The following ZNF727 variants were observed in gnomAD, a reference collection of about 807,000 sequenced individuals.
The protein encoded by ZNF727 is zinc finger protein 727.
In ZNF727, 11 loss-of-function variants were observed where a neutral mutation model predicts 11.5. That is an observed-to-expected ratio of 0.95 (90% CI 0.60 to 1.58). The LOEUF is 1.58. ZNF727 is among the 40% of genes most tolerant of loss of function. The pLI is 0.00. For missense variants in ZNF727, 533 were observed against 581.7 expected (o/e 0.92, Z 0.86); for synonymous variants, 171 against 196.1 (o/e 0.87, Z 1.07).
At position 64,080,594 on chromosome 7, in the gene ZNF727, A is replaced by C. The variant is rs2083286; in HGVS notation, c.*2045A>C. On this transcript the variant is annotated 3_prime_UTR_variant, in exon 4 of 4. Coordinates refer to ENST00000456806, the MANE Select transcript of ZNF727 (RefSeq NM_001159522.3). Reference sequence around the variant, plus strand: ...ATTGGGTTGCAACTTACCTTTGTAGATCAATGAAGTTTGCTTCTACCCATA... The same window carrying C: ...ATTGGGTTGCAACTTACCTTTGTAGCTCAATGAAGTTTGCTTCTACCCATA... Among the ~76,000 whole-genome samples the C allele has an allele frequency of 0.65, 98,683 of 151,944 alleles. 32,434 individuals are homozygous for C. Among genetic ancestry groups the C allele is most frequent in the Admixed American group, 0.73 (11,083 of 15,276 alleles).
intron 3 of ZNF727, among the ~76,000 whole-genome samples, chr7:64,072,362 T>G (rs1480344711): frequency 6.6e-6 from 1 of 152,108 alleles, no homozygotes; most frequent in Non-Finnish European, 1.5e-5. Flanking sequence ...CTTGGCAGAC[T>G]GAATTGCCTT....
At chr7:64,075,385 T>A (rs1158885542) in intron 3 of ZNF727, among the ~76,000 whole-genome samples, 1 of 152,112 alleles carries the variant, frequency 6.6e-6, no homozygotes, top group African/African-American at 2.4e-5. Flanking sequence ...CAAAGCTTTT[T>A]ATAAATGATT....
In ZNF727 at chr7:64,078,276, A is replaced by C. The variant is rs1442865724; in HGVS notation, c.1227A>C (p.Ser409=). Residue 409 remains serine (S), a synonymous_variant, in exon 4 of 4, where the codon TCA becomes TCC. Transcript: ENST00000456806. ...EECGKSFTCS[S]NLIKHKRIHM... ...GTGGCAAAAGCTTTACCTGCTCCTC[A>C]AACCTTATTAAACACAAGAGAATTC... is the stretch of plus-strand genomic sequence containing the variant. The C allele has an allele frequency of 5.6e-6, 9 of 1,594,434 alleles. No homozygotes were observed. In the African/African-American group the frequency reaches 6.7e-5, roughly 12 times the overall value.
At chr7:64,053,044 G>A (rs1368955756) in intron 1 of ZNF727, among the ~76,000 whole-genome samples, 1 of 152,162 alleles carries the variant, frequency 6.6e-6, no homozygotes, top group Non-Finnish European at 1.5e-5. Context: ...ACTTTGGACT[G>A]TGGACTTTTA....
In ZNF727 at chr7:64,080,269, A is replaced by G. The variant is rs1785765635; in HGVS notation, c.*1720A>G. Among the ~76,000 whole-genome samples the G allele has an allele frequency of 6.6e-6, 1 of 152,024 alleles. No homozygotes were observed. Among genetic ancestry groups the G allele is most frequent in the Non-Finnish European group, 1.5e-5 (1 of 67,996 alleles). Reference sequence around the variant, plus strand: ...ATTTCAAGTTGTTTTCATTCTCTCCATCACTTTCAAGCACTCTCTTTAATT... The same window carrying G: ...ATTTCAAGTTGTTTTCATTCTCTCCGTCACTTTCAAGCACTCTCTTTAATT... On this transcript the variant is annotated 3_prime_UTR_variant, in exon 4 of 4. Coordinates refer to ENST00000456806, the MANE Select transcript of ZNF727 (RefSeq NM_001159522.3).
At chr7:64,074,030 T>A (rs1345987371) in intron 3 of ZNF727, among the ~76,000 whole-genome samples, 1 of 152,144 alleles carries the variant, frequency 6.6e-6, no homozygotes, top group Non-Finnish European at 1.5e-5. Context: ...TTGATTGTGC[T>A]TTACTTAGCC....
chr7:64,058,962 T>TTTTTTTTTTTTTTTTTTTTTG (rs1789728669), intron 1 of ZNF727, among the ~76,000 whole-genome samples: 1 of 151,802 alleles, frequency 6.6e-6, no homozygotes. Context: ...TTTTTTTTTT[T>TTTTTTTTTTTTTTTTTTTTTG]GAGACGGAGT....
chr7:64,070,638 T>G (rs1789945813), intron 3 of ZNF727, among the ~76,000 whole-genome samples: 2 of 152,094 alleles, frequency 1.3e-5, no homozygotes, highest in African/African-American at 4.8e-5. Context: ...TTTTTTGTAG[T>G]GAGAACAGTT....
chr7:64,058,067 T>C (rs1789713996), intron 1 of ZNF727, among the ~76,000 whole-genome samples: 2 of 152,188 alleles, frequency 1.3e-5, no homozygotes. Flanking sequence ...GTTGTTTTGC[T>C]CATGTTTTTG....
chr7:64,074,805 C>A lies in ZNF727; in HGVS notation c.227-2471C>A, dbSNP rs184744200. Among the ~76,000 whole-genome samples the A allele has an allele frequency of 1.2e-3, 184 of 152,266 alleles. 3 individuals are homozygous for A. The highest frequency in any genetic ancestry group is 1.0e-4 in the Non-Finnish European group (7 of 68,006). On this transcript the variant is annotated intron_variant, in intron 3 of 3. Coordinates refer to ENST00000456806, the MANE Select transcript of ZNF727 (RefSeq NM_001159522.3). Reference sequence around the variant, plus strand: ...GGAATAGTTGATTTGATCTACTCAGCTCACAGAACGCATGAAAACACTAAT... The same window carrying A: ...GGAATAGTTGATTTGATCTACTCAGATCACAGAACGCATGAAAACACTAAT...
In ZNF727 at chr7:64,085,050, G is replaced by C. The variant is rs1418362820; in HGVS notation, c.*6501G>C. On this transcript the variant is annotated 3_prime_UTR_variant, in exon 4 of 4. Coordinates refer to ENST00000456806, the MANE Select transcript of ZNF727 (RefSeq NM_001159522.3). ...TTTTTGTTTGTTTGTCTGTTTTCTT[G>C]TTGTTCACCATAGGCATAATATATC... Among the ~76,000 whole-genome samples, 1 of 151,882 alleles carries C rather than the reference G, an allele frequency of 6.6e-6. No individual in the cohort carries two copies. The highest frequency in any genetic ancestry group is 1.5e-5 in the Non-Finnish European group (1 of 67,938).
Position 64,053,258 on chromosome 7 carries a change from A to T in ZNF727, c.3+7634A>T, listed in dbSNP as rs1393192004. On this transcript the variant is annotated intron_variant, in intron 1 of 3. Coordinates refer to ENST00000456806, the MANE Select transcript of ZNF727 (RefSeq NM_001159522.3). Reference sequence around the variant, plus strand: ...TGAATCATGGGAGCAAGTCTTTCCCATGCTGTTCTCCTGATAGCGAATAAG... The same window carrying T: ...TGAATCATGGGAGCAAGTCTTTCCCTTGCTGTTCTCCTGATAGCGAATAAG... Among the ~76,000 whole-genome samples the T allele has an allele frequency of 3.3e-5, 5 of 152,140 alleles. No individual in the cohort carries two copies. The East Asian group carries it at 7.7e-4, about 23-fold the overall frequency.
At chr7:64,073,529 ATCT>A (rs1311958884) in intron 3 of ZNF727, among the ~76,000 whole-genome samples, 3 of 151,838 alleles carry the variant, frequency 2.0e-5, no homozygotes, top group Admixed American at 6.6e-5. Context: ...TAATGCAAAG[ATCT>A]TCTTTTCTTA....
chr7:64,075,798 T>G (rs1785639279), intron 3 of ZNF727, among the ~76,000 whole-genome samples: 1 of 152,020 alleles, frequency 6.6e-6, no homozygotes, highest in East Asian at 1.9e-4. Context: ...TCTACCTGAG[T>G]AGTAGTAGCA....
At chr7:64,061,597 A>G (rs1444867322) in intron 1 of ZNF727, among the ~76,000 whole-genome samples, 1 of 151,804 alleles carries the variant, frequency 6.6e-6, no homozygotes, top group Admixed American at 6.6e-5. Flanking sequence ...TGTAGGAAAC[A>G]GATTGTTGGG....
chr7:64,063,975 T>C (rs371380771), intron 1 of ZNF727, among the ~76,000 whole-genome samples: 281 of 152,128 alleles, frequency 1.8e-3, no homozygotes, highest in South Asian at 3.7e-3. Flanking sequence ...AGGGATCTTG[T>C]GTCAGCTTGT....
Position 64,045,540 on chromosome 7 carries a change from C to G in ZNF727, c.-82C>G. ...CCGCTCCATTAGCTCCTCGGTGACT[C>G]CACCATAGCCCCTGTTATCCTGTGA... On this transcript the variant is annotated 5_prime_UTR_variant, in exon 1 of 4. Transcript: ENST00000456806. 1 of 1,538,590 alleles carries G rather than the reference C, an allele frequency of 6.5e-7. No homozygotes were observed. Among genetic ancestry groups the G allele is most frequent in the Non-Finnish European group, 8.8e-7 (1 of 1,134,998 alleles).
rs112686141 is a variant in ZNF727, at chr7:64,082,880, C to CAAAA, written c.*4340_*4343dup. On this transcript the variant is annotated 3_prime_UTR_variant, in exon 4 of 4. Coordinates refer to ENST00000456806, the MANE Select transcript of ZNF727 (RefSeq NM_001159522.3). The stretch of plus-strand genomic sequence containing the variant: ...CTGGTGAGAGAGCGAGACTCCGTCT[C>CAAAA]AAAAAAAAAAAAGAAAGAATGCAGT... Among the ~76,000 whole-genome samples, 1 of 146,784 alleles carries CAAAA rather than the reference C, an allele frequency of 6.8e-6. No individual in the cohort carries two copies. The highest frequency in any genetic ancestry group is 2.5e-5 in the African/African-American group (1 of 39,910).
intron 1 of ZNF727, among the ~76,000 whole-genome samples, chr7:64,051,266 G>C (rs769471276): frequency 3.3e-5 from 5 of 152,068 alleles, no homozygotes; most frequent in Admixed American, 6.6e-5. Context: ...AATCCTGTAT[G>C]ACTTTAAAAC....
Sources: allele counts gnomAD v4.1 joint callset (sites outside exome capture counted in the v4.1 genomes callset), GRCh38; gene constraint gnomAD v4.1.1; transcripts MANE v1.5; gene names NCBI Gene and HGNC (gene_info 2026-07-23, HGNC 2026-07-21).